Variants in ZC3HAV1 observed in about 807,000 individuals in gnomAD.
ZC3HAV1 encodes zinc finger CCCH-type containing, antiviral 1, also known as zinc finger CCCH-type antiviral protein 1.
ZC3HAV1 carries 41 observed loss-of-function variants against 86.6 expected under a neutral mutation model. The observed-to-expected ratio is 0.47, with a 90% CI of 0.37 to 0.61. The LOEUF (loss-of-function observed/expected upper bound fraction) is 0.61. Ranked by LOEUF, ZC3HAV1 falls within the 20% of genes least tolerant of loss-of-function variation. The probability of loss-of-function intolerance (pLI) is 0.00; values close to 1 mark genes in which losing one functional copy is unlikely to be tolerated. For missense variants in ZC3HAV1, 964 were observed against 1,141.1 expected (o/e 0.84, Z 2.24); for synonymous variants, 421 against 432.1 (o/e 0.97, Z 0.32).
At chr7:139,052,282 CCCCCT>C (rs1047676020) in intron 12 of ZC3HAV1, among the ~76,000 whole-genome samples, 2 of 91,702 alleles carry the variant, frequency 2.2e-5, no homozygotes, top group African/African-American at 8.6e-5. Context: ...CTCCCCCCAC[CCCCCT>C]CCCCTCTGGT....
intron 4 of ZC3HAV1, 62 bp from the exon 5 acceptor site, chr7:139,078,715 CTTGGTCTCACA>C: frequency 8.3e-7 from 1 of 1,209,510 alleles, no homozygotes; most frequent in South Asian, 1.5e-5. Flanking sequence ...AATCAAAGCA[CTTGGTCTCACA>C]ATGGGAAAGA....
chr7:139,073,719 G>C, intron 7 of ZC3HAV1, 137 bp downstream of exon 7: 1 of 742,420 alleles, frequency 1.3e-6, no homozygotes, highest in Non-Finnish European at 1.9e-6. Context: ...TCGAACTCCT[G>C]ATCTCAGGTG....
In ZC3HAV1 at chr7:139,067,131, ATTTC is replaced by A. The variant is rs373193144; in HGVS notation, c.1873-2136_1873-2133del. Among the ~76,000 whole-genome samples the A allele has an allele frequency of 3.5e-3, 527 of 151,426 alleles. 3 individuals carry two copies. Among genetic ancestry groups the A allele is most frequent in the African/African-American group, 8.5e-3 (350 of 41,304 alleles). On this transcript the variant is annotated intron_variant, in intron 7 of 12. Transcript: ENST00000242351. ...CTATATGATATGTAGGGGAGGCAAA[ATTTC>A]TTTCTTTCTTTCTTTCTTTCTTTTT... is the stretch of plus-strand genomic sequence containing the variant.
Position 139,055,248 on chromosome 7 carries a change from C to T in ZC3HAV1, c.2144G>A (p.Arg715His), listed in dbSNP as rs148135153. The part of the protein sequence containing the change: ...TSSVSLTATF[R>H]PQEDFCFLSS... ...TAGGAAGCAAAAGTCCTCCTGAGGA[C>T]GAAAGGTCGCAGTTAAAGACACTGA... Residue 715 changes from arginine (R) to histidine (H), a missense_variant, in exon 10 of 13, where the codon CGT becomes CAT. Physicochemically the swap from Arg to His is conservative, Grantham distance 29 (BLOSUM62 0). Transcript: ENST00000242351. 227 of 1,613,212 alleles carry T rather than the reference C, an allele frequency of 1.4e-4. 1 individual carries two copies. The highest frequency in any genetic ancestry group is 5.1e-4 in the African/African-American group (38 of 74,942).
intron 1 of ZC3HAV1, among the ~76,000 whole-genome samples, chr7:139,091,951 CTAA>C: frequency 6.6e-6 from 1 of 152,164 alleles, no homozygotes; most frequent in Non-Finnish European, 1.5e-5. Context: ...CAAGAGACGG[CTAA>C]CGCTCAAAGT....
At position 139,079,995 on chromosome 7, in the gene ZC3HAV1, T is replaced by G. The variant is rs142490389; in HGVS notation, c.946A>C (p.Thr316Pro). 3,765 of 1,614,148 alleles carry G rather than the reference T, an allele frequency of 2.3e-3. 5 individuals carry two copies. Among genetic ancestry groups the G allele is most frequent in the Non-Finnish European group, 2.9e-3 (3,368 of 1,180,022 alleles). ...ARPPSGSSKA[T>P]DLGGTSQAGT... ...GCCTGACTTGTTCCTCCAAGATCAG[T>G]AGCCTTGGACGAGCCTGAGGGAGGC... The change falls in exon 4 of 13, where the codon ACT becomes CCT. Residue 316 changes from threonine to proline, a missense_variant. Coordinates refer to ENST00000242351, the MANE Select transcript of ZC3HAV1 (RefSeq NM_020119.4).
At chr7:139,061,353 T>C (rs556755400) in intron 8 of ZC3HAV1, among the ~76,000 whole-genome samples, 4 of 152,272 alleles carry the variant, frequency 2.6e-5, no homozygotes, top group South Asian at 2.1e-4. Context: ...AAGGAGTGAA[T>C]GAATATTCAG....
chr7:139,072,086 A>G (rs1563130300), intron 7 of ZC3HAV1, among the ~76,000 whole-genome samples: 1 of 152,242 alleles, frequency 6.6e-6, no homozygotes, highest in Non-Finnish European at 1.5e-5. Context: ...GTTCCGTGCA[A>G]AAGTAATCAG....
At chr7:139,085,382 A>G (rs754443080) in intron 2 of ZC3HAV1, among the ~76,000 whole-genome samples, 3 of 152,220 alleles carry the variant, frequency 2.0e-5, no homozygotes, top group Non-Finnish European at 4.4e-5. Context: ...CAATTGTACA[A>G]GTTTATATAT....
At position 139,053,596 on chromosome 7, in the gene ZC3HAV1, G is replaced by A. The variant is rs1358743261; in HGVS notation, c.2319-15C>T. On this transcript the variant is annotated splice_polypyrimidine_tract_variant and intron_variant, in intron 11 of 12. Coordinates refer to ENST00000242351, the MANE Select transcript of ZC3HAV1 (RefSeq NM_020119.4). ...GCGATTTCTTCCTAATATAAGAGATGTGAGACTTAACACGGAGACATCCCC... is the reference window on the plus strand; with the variant it reads ...GCGATTTCTTCCTAATATAAGAGATATGAGACTTAACACGGAGACATCCCC... The A allele has an allele frequency of 2.5e-6, 4 of 1,577,768 alleles. No homozygotes were observed. Among genetic ancestry groups the A allele is most frequent in the African/African-American group, 2.7e-5 (2 of 73,464 alleles).
Position 139,094,576 on chromosome 7 carries a change from C to T in ZC3HAV1, c.309-4817G>A, listed in dbSNP as rs1817528192. 7.2e-5 allele frequency among the ~76,000 whole-genome samples: 11 copies of T among 151,908 alleles called. No homozygotes were observed. The South Asian group carries it at 2.3e-3, about 32-fold the overall frequency. Reference sequence around the variant, plus strand: ...TCTTTAAGGAGCTCAGGCCAAAAGCCTAAAAACAAACGACCTTTTCACTTT... The same window carrying T: ...TCTTTAAGGAGCTCAGGCCAAAAGCTTAAAAACAAACGACCTTTTCACTTT... On this transcript the variant is annotated intron_variant, in intron 1 of 12. Transcript: ENST00000242351.
chr7:139,080,111 T>A lies in ZC3HAV1; in HGVS notation c.830A>T (p.Asp277Val), dbSNP rs769701197. Residue 277 changes from aspartate to valine, a missense_variant, in exon 4 of 13, where the codon GAT (aspartate) becomes GTT (valine). By Grantham distance (152) the Asp-to-Val change is radical. Transcript: ENST00000242351. ...SAERSCTPSP[D>V]QISHRASLED... ...CAGGGAAGCCCTGTGGCTGATCTGA[T>A]CTGGACTAGGTGTGCAGGACCTCTC... is the stretch of plus-strand genomic sequence containing the variant. 2 of 1,614,216 alleles carry A rather than the reference T, an allele frequency of 1.2e-6. No individual in the cohort carries two copies. The highest frequency in any genetic ancestry group is 2.2e-5 in the South Asian group (2 of 91,086).
chr7:139,053,312 G>A (rs1054719339), intron 12 of ZC3HAV1, 139 bp downstream of exon 12: 1 of 1,015,750 alleles, frequency 9.8e-7, no homozygotes, highest in Non-Finnish European at 1.3e-6. Flanking sequence ...ATATTACCGT[G>A]AGCTTACTGT....
chr7:139,100,258 G>A (rs777163273), intron 1 of ZC3HAV1, among the ~76,000 whole-genome samples: 5 of 152,030 alleles, frequency 3.3e-5, no homozygotes, highest in Non-Finnish European at 5.9e-5. Context: ...AGGGCTGGGC[G>A]CGGTGGCTCA....
chr7:139,087,567 A>C (rs1426893201), intron 2 of ZC3HAV1, among the ~76,000 whole-genome samples: 1 of 152,118 alleles, frequency 6.6e-6, no homozygotes, highest in East Asian at 1.9e-4. Context: ...AACCCCCAAC[A>C]AGTCTTTATA....
chr7:139,095,708 A>G (rs1398433085), intron 1 of ZC3HAV1, among the ~76,000 whole-genome samples: 2 of 152,106 alleles, frequency 1.3e-5, no homozygotes, highest in Non-Finnish European at 2.9e-5. Context: ...CCACCAAAAT[A>G]TCATCTTTCT....
intron 12 of ZC3HAV1, among the ~76,000 whole-genome samples, chr7:139,051,667 T>C (rs1000767067): frequency 5.3e-5 from 8 of 152,184 alleles, no homozygotes; most frequent in Non-Finnish European, 4.4e-5. Flanking sequence ...CAAGTGATCC[T>C]CCCACCTCAG....
Position 139,073,876 on chromosome 7 carries a change from A to C in ZC3HAV1, c.1852T>G (p.Trp618Gly). 6.2e-7 allele frequency: 1 copy of C among 1,612,984 alleles called. No individual in the cohort carries two copies. Among genetic ancestry groups the C allele is most frequent in the Non-Finnish European group, 8.5e-7 (1 of 1,179,244 alleles). ...CTCACCTCTTCTCCATACTGAATCC[A>C]TGTGCCAGATTCATTCTTCCAATAC... ...IWYWKNESGT[W>G]IQYGEEKDKR... The change falls in exon 7 of 13, where the codon TGG becomes GGG. Residue 618 changes from tryptophan to glycine, a missense_variant. Trp to Gly is a radical substitution (Grantham distance 184, BLOSUM62 -2). Coordinates refer to ENST00000242351, the MANE Select transcript of ZC3HAV1 (RefSeq NM_020119.4).
intron 9 of ZC3HAV1, 146 bp from the exon 10 acceptor site, chr7:139,055,441 C>T (rs1386161347): frequency 1.1e-5 from 6 of 536,214 alleles, no homozygotes. Context: ...TACATCCTCA[C>T]ATATTCCTGG....
Sources: allele counts gnomAD v4.1 joint callset (sites outside exome capture counted in the v4.1 genomes callset), GRCh38; gene constraint gnomAD v4.1.1; transcripts MANE v1.5; gene names NCBI Gene and HGNC (gene_info 2026-07-23, HGNC 2026-07-21).